Variants in ENO1 observed in about 807,000 individuals in gnomAD.
ENO1 encodes enolase 1.
In ENO1, 33 loss-of-function variants were observed where a neutral mutation model predicts 46.3. The ratio of observed to expected loss-of-function variants is 0.71; its 90% CI spans 0.54 to 0.95. ENO1 has a LOEUF of 0.95. Ranked by LOEUF, ENO1 falls within the 40% of genes least tolerant of loss-of-function variation. ENO1 has a pLI of 0.00. For missense variants in ENO1, 488 were observed against 553.3 expected (o/e 0.88, Z 1.18); for synonymous variants, 220 against 216.0 (o/e 1.02, Z -0.16).
chr1:8,872,259 T>G (rs1642648963), intron 2 of ENO1, among the ~76,000 whole-genome samples: 1 of 152,198 alleles, frequency 6.6e-6, no homozygotes, highest in Admixed American at 6.5e-5. Context: ...CTTGTTAAAA[T>G]GTAGATTCTG....
At chr1:8,868,201 G>A in intron 4 of ENO1, 144 bp from the exon 5 acceptor site, 2 of 705,800 alleles carry the variant, frequency 2.8e-6, no homozygotes, top group East Asian at 2.7e-5. Context: ...AAAAGTGGAG[G>A]ACAAAAATCA....
intron 8 of ENO1, 21 bp from the exon 9 acceptor site, chr1:8,864,113 C>T (rs200320066): frequency 1.2e-6 from 2 of 1,612,824 alleles, no homozygotes; most frequent in African/African-American, 2.7e-5. Flanking sequence ...GAGGGACACG[C>T]TTCATCAGTG....
chr1:8,871,761 C>T, intron 3 of ENO1, 130 bp downstream of exon 3: 1 of 1,274,164 alleles, frequency 7.8e-7, no homozygotes, highest in Non-Finnish European at 1.1e-6. Context: ...CCATCAACAT[C>T]ATGGGTCACA....
chr1:8,872,422 C>A (rs184668163), intron 2 of ENO1, among the ~76,000 whole-genome samples: 1 of 151,646 alleles, frequency 6.6e-6, no homozygotes, highest in Non-Finnish European at 1.5e-5. Context: ...CTCGCTCTAT[C>A]CCCCAGGCTA....
chr1:8,870,822 T>G, intron 3 of ENO1: 11 of 1,371,612 alleles, frequency 8.0e-6, no homozygotes, highest in Non-Finnish European at 8.5e-6. Context: ...TTCAATCAGT[T>G]ACCTGAGTGC....
chr1:8,865,487 G>A lies in ENO1; in HGVS notation c.668-5C>T, dbSNP rs142358700. On this transcript the variant is annotated splice_region_variant and splice_polypyrimidine_tract_variant and intron_variant, in intron 7 of 11. Transcript: ENST00000234590. Reference sequence around the variant, plus strand: ...CAGTCTTCAGCAGCTCCAGGCCTGGGAAGAGATGGTGACAACAGGTTTGGA... The same window carrying A: ...CAGTCTTCAGCAGCTCCAGGCCTGGAAAGAGATGGTGACAACAGGTTTGGA... 4,490 of 1,612,532 alleles carry A rather than the reference G, an allele frequency of 2.8e-3. 15 individuals are homozygous for A. The highest frequency in any genetic ancestry group is 3.0e-3 in the Non-Finnish European group (3,543 of 1,179,928).
Position 8,874,910 on chromosome 1 carries a change from G to C in ENO1, c.-2C>G. ...GGCATGGATCTTGAGAATAGACATG[G>C]TGAACTTCTGTAGAAGAAACACACA... On this transcript the variant is annotated 5_prime_UTR_variant, in exon 2 of 12. Transcript: ENST00000234590. 1 of 1,612,848 alleles carries C rather than the reference G, an allele frequency of 6.2e-7. No homozygotes were observed. The highest frequency in any genetic ancestry group is 8.5e-7 in the Non-Finnish European group (1 of 1,179,148).
chr1:8,861,542 T>C (rs1642401497), intron 11 of ENO1, 113 bp from the exon 12 acceptor site: 9 of 1,056,690 alleles, frequency 8.5e-6, no homozygotes, highest in South Asian at 2.8e-5. Context: ...TCCTGGGAAG[T>C]TGAGAACACA....
At chr1:8,865,222 G>A (rs1569898322) in intron 8 of ENO1, 63 bp downstream of exon 8, 1 of 1,585,140 alleles carries the variant, frequency 6.3e-7, no homozygotes, top group East Asian at 2.2e-5. Context: ...CCAGCCAGAT[G>A]CTCCAGCTGC....
intron 1 of ENO1, among the ~76,000 whole-genome samples, chr1:8,877,245 C>T (rs992710368): frequency 6.6e-6 from 1 of 152,028 alleles, no homozygotes; most frequent in African/African-American, 2.4e-5. Flanking sequence ...AGCCACCGCG[C>T]CTGGTCGATT....
chr1:8,868,694 T>C (rs1642572651), intron 4 of ENO1, among the ~76,000 whole-genome samples: 1 of 152,260 alleles, frequency 6.6e-6, no homozygotes, highest in African/African-American at 2.4e-5. Context: ...TTTTTTAATT[T>C]TTATTTTTTA....
chr1:8,875,042 G>A, intron 1 of ENO1, 125 bp from the exon 2 acceptor site: 1 of 707,504 alleles, frequency 1.4e-6, no homozygotes, highest in East Asian at 3.0e-5. Flanking sequence ...AATACTGGAT[G>A]TAGGAAAGCT....
At chr1:8,877,044 C>T (rs1460184049) in intron 1 of ENO1, among the ~76,000 whole-genome samples, 2 of 151,094 alleles carry the variant, frequency 1.3e-5, no homozygotes, top group African/African-American at 4.9e-5. Context: ...GGCTAGAGTG[C>T]AGTGACACGA....
intron 1 of ENO1, chr1:8,877,746 A>G: frequency 6.6e-6 from 1 of 152,356 alleles, no homozygotes; most frequent in Non-Finnish European, 1.5e-5. Context: ...GTGGTGGCGC[A>G]TGCCTGTAAT....
intron 5 of ENO1, among the ~76,000 whole-genome samples, chr1:8,867,730 C>A (rs965560494): frequency 6.6e-6 from 1 of 152,082 alleles, no homozygotes; most frequent in African/African-American, 2.4e-5. Context: ...CGGGGTTTCA[C>A]CACGTTGGCC....
chr1:8,869,662 C>A (rs554653114), intron 4 of ENO1, among the ~76,000 whole-genome samples: 1 of 152,174 alleles, frequency 6.6e-6, no homozygotes, highest in African/African-American at 2.4e-5. Context: ...CAGCTTCAAG[C>A]GATTCTCATG....
chr1:8,865,498 G>T lies in ENO1; in HGVS notation c.668-16C>A. On this transcript the variant is annotated splice_polypyrimidine_tract_variant and intron_variant, in intron 7 of 11. Transcript: ENST00000234590. ...AGCTCCAGGCCTGGGAAGAGATGGT[G>T]ACAACAGGTTTGGAAAACAGGTAGG... is the stretch of plus-strand genomic sequence containing the variant. 6.2e-7 allele frequency: 1 copy of T among 1,612,014 alleles called. No homozygotes were observed. The highest frequency in any genetic ancestry group is 1.1e-5 in the South Asian group (1 of 90,966).
At chr1:8,873,082 T>C (rs1054830940) in intron 2 of ENO1, among the ~76,000 whole-genome samples, 6 of 152,224 alleles carry the variant, frequency 3.9e-5, no homozygotes, top group Non-Finnish European at 8.8e-5. Context: ...TCATACTTCC[T>C]TCTTGAAAGC....
At chr1:8,872,449 C>A (rs1210857787) in intron 2 of ENO1, among the ~76,000 whole-genome samples, 2 of 151,922 alleles carry the variant, frequency 1.3e-5, no homozygotes, top group African/African-American at 2.4e-5. Flanking sequence ...ATGGCGTGAT[C>A]TTGGCTCACT....
Sources: allele counts gnomAD v4.1 joint callset (sites outside exome capture counted in the v4.1 genomes callset), GRCh38; gene constraint gnomAD v4.1.1; transcripts MANE v1.5; gene names NCBI Gene and HGNC (gene_info 2026-07-23, HGNC 2026-07-21).